The following ONECUT1 variants were observed in gnomAD, a reference collection of about 807,000 sequenced individuals.
ONECUT1 encodes the protein hepatocyte nuclear factor 6.
Under a neutral mutation model 25.6 loss-of-function variants are expected in ONECUT1, and 12 were observed. That is an observed-to-expected ratio of 0.47 (90% CI 0.30 to 0.76). The LOEUF is 0.76. Ranked by LOEUF, ONECUT1 falls within the 30% of genes least tolerant of loss-of-function variation. ONECUT1 has a pLI of 0.07. For missense variants in ONECUT1, 620 were observed against 651.2 expected, an observed-to-expected ratio of 0.95 and a Z score of 0.52; for synonymous variants, 285 against 270.2, an observed-to-expected ratio of 1.05 and a Z score of -0.54.
Position 52,757,286 on chromosome 15 carries a change from A to C in ONECUT1, c.*269T>G, listed in dbSNP as rs1344266596. 6 of 436,562 alleles carry C rather than the reference A, an allele frequency of 1.4e-5. No individual in the cohort carries two copies. Among genetic ancestry groups the C allele is most frequent in the Non-Finnish European group, 2.4e-5 (6 of 246,910 alleles). The allele number at this position is 436,562 out of a possible 1,614,324, so 27.0% of individuals were successfully genotyped here. Reference sequence around the variant, plus strand: ...AACCACTAAACAGCCAAGCACAGCGAGGATGGTCATGGATTGAAGGTGTGA... The same window carrying C: ...AACCACTAAACAGCCAAGCACAGCGCGGATGGTCATGGATTGAAGGTGTGA... On this transcript the variant is annotated 3_prime_UTR_variant, in exon 2 of 2. Coordinates refer to ENST00000305901, the MANE Select transcript of ONECUT1 (RefSeq NM_004498.4).
chr15:52,779,564 A>T (rs1030356242), intron 1 of ONECUT1, among the ~76,000 whole-genome samples: 1 of 152,246 alleles, frequency 6.6e-6, no homozygotes, highest in Non-Finnish European at 1.5e-5. Context: ...GGGGATAAAC[A>T]GTCCCCAATT....
intron 1 of ONECUT1, among the ~76,000 whole-genome samples, chr15:52,777,738 A>AC (rs1555416123): frequency 0.035 from 3,400 of 96,616 alleles, 69 homozygotes; most frequent in African/African-American, 0.088. Flanking sequence ...ACACACACAC[A>AC]AAAAAACATG....
At chr15:52,757,977 C>A in intron 1 of ONECUT1, 130 bp from the exon 2 acceptor site, 1 of 962,642 alleles carries the variant, frequency 1.0e-6, no homozygotes, top group Non-Finnish European at 1.5e-6. Flanking sequence ...CTGCTTTAAG[C>A]ACCATTGGAG....
At chr15:52,780,502 G>T in intron 1 of ONECUT1, 1 of 1,297,394 alleles carries the variant, frequency 7.7e-7, no homozygotes, top group Non-Finnish European at 1.1e-6. Flanking sequence ...ATATGTCTTT[G>T]TCTAGCATAA....
rs78451853 is a variant in ONECUT1, at chr15:52,758,217, C to G, written c.1106-370G>C. ...ATCCTCAAAATGCATATAAGAATACCTACCTTGCCGTGTTGTGGTATGAAA... is the reference window on the plus strand; with the variant it reads ...ATCCTCAAAATGCATATAAGAATACGTACCTTGCCGTGTTGTGGTATGAAA... On this transcript the variant is annotated intron_variant, in intron 1 of 1. Coordinates refer to ENST00000305901, the MANE Select transcript of ONECUT1 (RefSeq NM_004498.4). Among the ~76,000 whole-genome samples the G allele has an allele frequency of 1.2e-4, 19 of 152,234 alleles. No individual in the cohort carries two copies. In the East Asian group the frequency reaches 3.5e-3, roughly 28 times the overall value.
intron 1 of ONECUT1, among the ~76,000 whole-genome samples, chr15:52,786,698 G>A (rs2083877302): frequency 6.6e-6 from 1 of 152,264 alleles, no homozygotes; most frequent in African/African-American, 2.4e-5. Context: ...ACGCTTGGAG[G>A]TCAGAGGGCG....
At chr15:52,779,334 C>T (rs538135710) in intron 1 of ONECUT1, among the ~76,000 whole-genome samples, 2 of 152,058 alleles carry the variant, frequency 1.3e-5, no homozygotes, top group African/African-American at 2.4e-5. Context: ...GTGATCTGCC[C>T]GCCTCGGCCT....
Position 52,790,017 on chromosome 15 carries a change from G to GTC in ONECUT1, c.-135_-134dup, listed in dbSNP as rs112104300. The GTC allele has an allele frequency of 3.8e-3, 4,578 of 1,191,224 alleles. 15 individuals are homozygous for GTC. Among genetic ancestry groups the GTC allele is most frequent in the African/African-American group, 0.025 (1,546 of 61,184 alleles). 73.8% of individuals were successfully genotyped at this position (1,191,224 alleles called of 1,614,324 possible). Reference sequence around the variant, plus strand: ...TTCCTTCCTCTCACTGTGGGGCTCTGTCTCTCTCTCTCTCTCTCTCCGTGT... The same window carrying GTC: ...TTCCTTCCTCTCACTGTGGGGCTCTGTCTCTCTCTCTCTCTCTCTCTCCGTGT... On this transcript the variant is annotated 5_prime_UTR_variant, in exon 1 of 2. Transcript: ENST00000305901.
At chr15:52,781,286 A>T (rs1223919175) in intron 1 of ONECUT1, 1 of 152,200 alleles carries the variant, frequency 6.6e-6, no homozygotes, top group African/African-American at 2.4e-5. Flanking sequence ...TTTCACATCT[A>T]CTTCTGGCAC....
Position 52,789,359 on chromosome 15 carries a change from C to G in ONECUT1, c.526G>C (p.Gly176Arg), listed in dbSNP as rs986338362. ...CTGGAGAGGGGCGAGAGGCTCTGGC[C>G]CATGCCGGCCACGTCCTTGTGGTAG... ...TPYHKDVAGM[G>R]QSLSPLSSSG... Residue 176 changes from glycine to arginine, a missense_variant, in exon 1 of 2, where the codon GGC (glycine) becomes CGC (arginine). Transcript: ENST00000305901. The surrounding 1 kb of genome is among the most constrained non-coding windows in gnomAD (Gnocchi z 4.1). The G allele has an allele frequency of 6.2e-7, 1 of 1,606,244 alleles. No individual in the cohort carries two copies. The highest frequency in any genetic ancestry group is 8.5e-7 in the Non-Finnish European group (1 of 1,175,522).
chr15:52,781,965 G>T (rs1319991743), intron 1 of ONECUT1, among the ~76,000 whole-genome samples: 1 of 152,200 alleles, frequency 6.6e-6, no homozygotes, highest in Non-Finnish European at 1.5e-5. Flanking sequence ...GAGATTGGTT[G>T]TACTTTAGGG....
intron 1 of ONECUT1, among the ~76,000 whole-genome samples, chr15:52,773,105 A>G (rs955971687): frequency 6.6e-6 from 1 of 152,196 alleles, no homozygotes. Context: ...GAGAACTGCA[A>G]ATGAATCTTA....
chr15:52,755,521 G>T lies in ONECUT1; in HGVS notation c.*2034C>A, dbSNP rs1462152954. 6.6e-6 allele frequency among the ~76,000 whole-genome samples: 1 copy of T among 152,112 alleles called. No homozygotes were observed. Among genetic ancestry groups the T allele is most frequent in the Non-Finnish European group, 1.5e-5 (1 of 68,022 alleles). ...ATATGTTGGTTTCCTCTTCTCATTCGACAGCAGACATGAAGGAGACACAGA... is the reference window on the plus strand; with the variant it reads ...ATATGTTGGTTTCCTCTTCTCATTCTACAGCAGACATGAAGGAGACACAGA... On this transcript the variant is annotated 3_prime_UTR_variant, in exon 2 of 2. Coordinates refer to ENST00000305901, the MANE Select transcript of ONECUT1 (RefSeq NM_004498.4).
intron 1 of ONECUT1, among the ~76,000 whole-genome samples, chr15:52,776,675 AT>A (rs1344042513): frequency 6.6e-6 from 1 of 152,008 alleles, no homozygotes; most frequent in Non-Finnish European, 1.5e-5. Context: ...ACAGAACTTT[AT>A]TTCTACCCAG....
In ONECUT1 at chr15:52,789,960, G is replaced by A. The variant is rs1043818548; in HGVS notation, c.-76C>T. The A allele has an allele frequency of 1.1e-4, 156 of 1,453,718 alleles. No homozygotes were observed. Among genetic ancestry groups the A allele is most frequent in the Non-Finnish European group, 1.3e-4 (144 of 1,111,254 alleles). 90.1% of individuals were successfully genotyped at this position (1,453,718 alleles called of 1,614,324 possible). A position where few individuals can be genotyped will look rare whatever the true frequency, so the allele number is the denominator to read the frequency against. On this transcript the variant is annotated 5_prime_UTR_variant, in exon 1 of 2. Transcript: ENST00000305901. This position sits in a 1 kb window ranked among gnomAD's most constrained non-coding sequence, Gnocchi z 4.1. The stretch of plus-strand genomic sequence containing the variant: ...AGGCGGCGAGGGGCGCACGGAGTCC[G>A]GTCTTCACATCGGCTGCTGGCGACT...
At chr15:52,764,784 T>C (rs1206472104) in intron 1 of ONECUT1, among the ~76,000 whole-genome samples, 1 of 152,186 alleles carries the variant, frequency 6.6e-6, no homozygotes, top group Admixed American at 6.5e-5. Context: ...TAAAGGCTGA[T>C]GTAGATGCTG....
chr15:52,783,071 G>A (rs1349261848), intron 1 of ONECUT1, among the ~76,000 whole-genome samples: 1 of 152,230 alleles, frequency 6.6e-6, no homozygotes, highest in African/African-American at 2.4e-5. Flanking sequence ...TGCCATGAAT[G>A]TGGAAATAAT....
chr15:52,774,280 G>A (rs974288959), intron 1 of ONECUT1, among the ~76,000 whole-genome samples: 4 of 141,116 alleles, frequency 2.8e-5, no homozygotes, highest in Non-Finnish European at 4.7e-5. Flanking sequence ...TTTGCAACAA[G>A]AAATGAAGTT....
chr15:52,779,482 G>A (rs929650427), intron 1 of ONECUT1, among the ~76,000 whole-genome samples: 2 of 152,062 alleles, frequency 1.3e-5, no homozygotes, highest in Non-Finnish European at 1.5e-5. Flanking sequence ...GATATTATTC[G>A]ATGGGATAAA....
Sources: allele counts gnomAD v4.1 joint callset (sites outside exome capture counted in the v4.1 genomes callset), GRCh38; gene constraint gnomAD v4.1.1; non-coding constraint Gnocchi (gnomAD v3.1); transcripts MANE v1.5; gene names NCBI Gene and HGNC (gene_info 2026-07-23, HGNC 2026-07-21).